SHANK2: variants seen among roughly 807,000 people sequenced by gnomAD.
SHANK2 encodes SH3 and multiple ankyrin repeat domains protein 2.
Under a neutral mutation model 133.7 loss-of-function variants are expected in SHANK2, and 43 were observed. The ratio of observed to expected loss-of-function variants is 0.32; its 90% CI spans 0.25 to 0.41. The LOEUF (loss-of-function observed/expected upper bound fraction) is 0.41. Among genes scored for constraint, SHANK2 ranks in the 10% least tolerant of loss-of-function variants. The pLI is 1.00. For synonymous variants in SHANK2, 1,017 were observed against 952.8 expected (o/e 1.07, Z -1.24); for missense variants, 1,994 against 2,235.8 (o/e 0.89, Z 2.18).
At chr11:70,646,197 G>A (rs1410963556) in intron 17 of SHANK2, 2 of 152,242 alleles carry the variant, frequency 1.3e-5, no homozygotes, top group Non-Finnish European at 2.9e-5. Context: ...CAGTGTAAAT[G>A]ACTGTGAGCC....
rs201295950 is a variant in SHANK2, at chr11:70,606,444, TG to T, written c.2061+53383del. ...CACATGCCATCATATGACCCGGGGG[TG>T]GGGGGGTGTCACGTGATTGTACCAC... is the stretch of plus-strand genomic sequence containing the variant. On this transcript the variant is annotated intron_variant, in intron 17 of 25. Coordinates refer to ENST00000601538, the MANE Select transcript of SHANK2 (RefSeq NM_012309.5). Among the ~76,000 whole-genome samples, 625 of 98,970 alleles carry T rather than the reference TG, an allele frequency of 6.3e-3. 6 individuals carry two copies. The highest frequency in any genetic ancestry group is 0.023 in the African/African-American group (592 of 25,350). The allele number at this position is 98,970 out of a possible 152,430, so 64.9% of individuals were successfully genotyped here. A position where few individuals can be genotyped will look rare whatever the true frequency, so the allele number is the denominator to read the frequency against.
chr11:70,492,007 G>A (rs577232579), intron 22 of SHANK2, among the ~76,000 whole-genome samples: 1 of 152,370 alleles, frequency 6.6e-6, no homozygotes, highest in South Asian at 2.1e-4. Context: ...TGGACCAGGA[G>A]GCAAGAGCCC....
chr11:70,512,519 T>C (rs1313364941), intron 17 of SHANK2, among the ~76,000 whole-genome samples: 2 of 152,256 alleles, frequency 1.3e-5, no homozygotes, highest in Non-Finnish European at 2.9e-5. Context: ...TAGAGCAAAA[T>C]AATTTTGTTT....
intron 10 of SHANK2, chr11:70,933,220 T>C (rs1565413753): frequency 2.2e-6 from 1 of 456,508 alleles, no homozygotes; most frequent in Non-Finnish European, 4.4e-6. Flanking sequence ...GGCTACAACA[T>C]GGAGGAACCT....
At chr11:71,219,361 A>G (rs782409742) in intron 2 of SHANK2, among the ~76,000 whole-genome samples, 1 of 152,216 alleles carries the variant, frequency 6.6e-6, no homozygotes, top group Non-Finnish European at 1.5e-5. Context: ...GAAATATCAC[A>G]AATTACACAT....
In SHANK2 at chr11:70,612,214, G is replaced by A. The variant is rs1191196600; in HGVS notation, c.2061+47614C>T. On this transcript the variant is annotated intron_variant, in intron 17 of 25. Coordinates refer to ENST00000601538, the MANE Select transcript of SHANK2 (RefSeq NM_012309.5). ...GGACTTTAATAAGGGTTTTGAAGGC[G>A]TCCTGCTGCTGAGTATGGGAACTCA... Among the ~76,000 whole-genome samples, 8 of 152,140 alleles carry A rather than the reference G, an allele frequency of 5.3e-5. No individual in the cohort carries two copies. The East Asian group carries it at 5.8e-4, about 11-fold the overall frequency.
chr11:71,135,132 C>T (rs1218476008), intron 3 of SHANK2, among the ~76,000 whole-genome samples: 2 of 152,230 alleles, frequency 1.3e-5, no homozygotes, highest in African/African-American at 2.4e-5. Context: ...AAGACCCTCA[C>T]CCTAGAAGAT....
At chr11:70,628,091 C>T (rs2060928580) in intron 17 of SHANK2, among the ~76,000 whole-genome samples, 1 of 152,216 alleles carries the variant, frequency 6.6e-6, no homozygotes, top group Non-Finnish European at 1.5e-5. Flanking sequence ...TCCTGAGTAG[C>T]TGGGATTACA....
chr11:71,189,133 C>T (rs184229017), intron 2 of SHANK2, among the ~76,000 whole-genome samples: 117 of 152,306 alleles, frequency 7.7e-4, no homozygotes, highest in Non-Finnish European at 1.1e-3. Context: ...CCACTCATTC[C>T]CTCTCCCTCC....
intron 2 of SHANK2, among the ~76,000 whole-genome samples, chr11:71,211,318 C>T (rs955167987): frequency 2.0e-5 from 3 of 149,288 alleles, no homozygotes; most frequent in Non-Finnish European, 4.4e-5. Flanking sequence ...GAGGTCAGAT[C>T]GCTTGAGCTC....
intron 8 of SHANK2, among the ~76,000 whole-genome samples, chr11:71,076,230 A>G (rs1951216826): frequency 6.6e-6 from 1 of 152,164 alleles, no homozygotes; most frequent in Admixed American, 6.5e-5. Context: ...GTCCTGACCT[A>G]ACACATCTCA....
intron 14 of SHANK2, among the ~76,000 whole-genome samples, chr11:70,723,029 C>CT (rs1946102347): frequency 6.6e-6 from 1 of 152,094 alleles, no homozygotes; most frequent in Non-Finnish European, 1.5e-5. Context: ...CTTTATGGGA[C>CT]TTTTTTACAA....
intron 23 of SHANK2, 146 bp from the exon 24 acceptor site, chr11:70,489,494 T>C (rs2058856102): frequency 3.8e-6 from 3 of 796,738 alleles, no homozygotes; most frequent in African/African-American, 3.4e-5. Context: ...CCTACAGTTA[T>C]CCACCTGAGA....
chr11:70,826,102 G>A (rs990864841), intron 11 of SHANK2, among the ~76,000 whole-genome samples: 33 of 152,258 alleles, frequency 2.2e-4, no homozygotes, highest in African/African-American at 6.7e-4. Context: ...GACCTGCCTC[G>A]GCCAGTGCCT....
chr11:70,901,128 A>G (rs562338322), intron 10 of SHANK2, among the ~76,000 whole-genome samples: 9 of 152,314 alleles, frequency 5.9e-5, no homozygotes, highest in Admixed American at 1.3e-4. Context: ...AAACTGAGGC[A>G]CAGAGCGATA....
chr11:70,719,406 G>A (rs868913386), intron 14 of SHANK2, among the ~76,000 whole-genome samples: 3 of 152,332 alleles, frequency 2.0e-5, no homozygotes, highest in South Asian at 4.2e-4. Context: ...ACGTCATGGT[G>A]CTGTGTGCAT....
rs190156831 is a variant in SHANK2 at position 70,726,694 on chromosome 11, C to A, written c.1778-27931G>T. On this transcript the variant is annotated intron_variant, in intron 14 of 25. Transcript: ENST00000601538. The stretch of plus-strand genomic sequence containing the variant: ...TTATTCCCCTCCCTGAACCTACACC[C>A]GTATGCGATATGACTTTGCAGCTCC... 1.4e-3 allele frequency among the ~76,000 whole-genome samples: 213 copies of A among 152,298 alleles called. 1 individual carries two copies. Among genetic ancestry groups the A allele is most frequent in the Non-Finnish European group, 2.3e-3 (155 of 68,036 alleles).
In SHANK2 at chr11:70,804,551, G is replaced by A. The variant is rs73532005; in HGVS notation, c.1663+2451C>T. 0.011 allele frequency among the ~76,000 whole-genome samples: 1,617 copies of A among 152,274 alleles called. 34 individuals carry two copies. The highest frequency in any genetic ancestry group is 0.037 in the African/African-American group (1,552 of 41,562). On this transcript the variant is annotated intron_variant, in intron 13 of 25. Transcript: ENST00000601538. The surrounding 1 kb of genome is among the most constrained non-coding windows in gnomAD (Gnocchi z 4.1). ...CACGCCCCACGCTCCTGCGAGGGGC[G>A]GGTTCCAGTCTGGTCATGTTTGAGG... is the stretch of plus-strand genomic sequence containing the variant.
At chr11:70,612,835 CTA>C (rs1451262578) in intron 17 of SHANK2, among the ~76,000 whole-genome samples, 1 of 152,126 alleles carries the variant, frequency 6.6e-6, no homozygotes, top group Admixed American at 6.5e-5. Flanking sequence ...ATATCAGACT[CTA>C]TGTATTCCTC....
Sources: gnomAD v4.1 joint callset for allele counts (sites outside exome capture counted in the v4.1 genomes callset) on GRCh38, gnomAD v4.1.1 for gene constraint, Gnocchi (gnomAD v3.1) non-coding constraint, MANE v1.5 for transcripts, NCBI Gene and HGNC (gene_info 2026-07-23, HGNC 2026-07-21) for gene names.